NCR3LG1: variants seen among roughly 807,000 people sequenced by gnomAD.
The protein encoded by NCR3LG1 is natural cytotoxicity triggering receptor 3 ligand 1.
In NCR3LG1, 35 loss-of-function variants were observed where a neutral mutation model predicts 34.8. The observed-to-expected ratio is 1.01, with a 90% CI of 0.77 to 1.33. The LOEUF is 1.33. NCR3LG1 is among the 40% of genes most tolerant of loss of function. NCR3LG1 has a pLI of 0.00. For synonymous variants in NCR3LG1, 173 were observed against 163.6 expected (o/e 1.06, Z -0.44); for missense variants, 452 against 423.3 (o/e 1.07, Z -0.60).
intron 1 of NCR3LG1, among the ~76,000 whole-genome samples, chr11:17,354,545 C>CTTCTT (rs1565500552): frequency 8.5e-5 from 6 of 70,332 alleles, no homozygotes; most frequent in South Asian, 5.5e-4. Flanking sequence ...AATTCTTCTT[C>CTTCTT]TTTTTTTTTT....
Position 17,373,387 on chromosome 11 carries a change from G to A in NCR3LG1, c.*875G>A, listed in dbSNP as rs1953434620. Reference sequence around the variant, plus strand: ...AAAGGGACTGCCCAGGCAGCAAGAAGAAGCCACCTCAACCCTGTCCAGTAT... The same window carrying A: ...AAAGGGACTGCCCAGGCAGCAAGAAAAAGCCACCTCAACCCTGTCCAGTAT... On this transcript the variant is annotated 3_prime_UTR_variant, in exon 5 of 5. Coordinates refer to ENST00000338965, the MANE Select transcript of NCR3LG1 (RefSeq NM_001202439.3). 1 of 151,890 alleles carries A rather than the reference G, an allele frequency of 6.6e-6. No individual in the cohort carries two copies. The highest frequency in any genetic ancestry group is 1.5e-5 in the Non-Finnish European group (1 of 68,042). The allele number at this position is 151,890 out of a possible 1,614,324, so 9.4% of individuals were successfully genotyped here. A position where few individuals can be genotyped will look rare whatever the true frequency, so the allele number is the denominator to read the frequency against.
intron 1 of NCR3LG1, among the ~76,000 whole-genome samples, chr11:17,354,956 A>G (rs1256382693): frequency 6.6e-6 from 1 of 152,204 alleles, no homozygotes; most frequent in African/African-American, 2.4e-5. Flanking sequence ...CTAAATATAG[A>G]TGTCTAGCTC....
At chr11:17,362,883 CTCCCCTCCCCTCCCCTCCCT>C in intron 2 of NCR3LG1, among the ~76,000 whole-genome samples, 3 of 68,090 alleles carry the variant, frequency 4.4e-5, no homozygotes, top group East Asian at 4.4e-4. Flanking sequence ...CTCCCCTCCG[CTCCCCTCCCCTCCCCTCCCT>C]TCCCTTCCCT....
At chr11:17,368,722 G>A in intron 3 of NCR3LG1, 145 bp from the exon 4 acceptor site, 1 of 666,270 alleles carries the variant, frequency 1.5e-6, no homozygotes, top group East Asian at 2.7e-5. Flanking sequence ...TAGGAATGGA[G>A]ATGCTGAGAC....
At chr11:17,371,021 T>A (rs1025989735) in intron 4 of NCR3LG1, among the ~76,000 whole-genome samples, 2 of 152,222 alleles carry the variant, frequency 1.3e-5, no homozygotes, top group African/African-American at 4.8e-5. Flanking sequence ...TGTCCCCCAG[T>A]GATAGACATT....
intron 2 of NCR3LG1, among the ~76,000 whole-genome samples, chr11:17,359,636 C>T (rs1377454639): frequency 6.6e-6 from 1 of 151,682 alleles, no homozygotes; most frequent in Non-Finnish European, 1.5e-5. Flanking sequence ...CTTAGCCTCC[C>T]AGGTAACTAG....
intron 2 of NCR3LG1, among the ~76,000 whole-genome samples, chr11:17,362,072 T>C (rs1953275294): frequency 6.6e-6 from 1 of 152,278 alleles, no homozygotes; most frequent in African/African-American, 2.4e-5. Context: ...TTTCTGATTT[T>C]ACTTTCTAAC....
intron 1 of NCR3LG1, among the ~76,000 whole-genome samples, chr11:17,355,765 A>G (rs1953197094): frequency 6.6e-6 from 1 of 152,034 alleles, no homozygotes; most frequent in African/African-American, 2.4e-5. Flanking sequence ...GGAGAGAGAC[A>G]TATCTCTCTG....
At chr11:17,368,276 G>A (rs1398339496) in intron 3 of NCR3LG1, among the ~76,000 whole-genome samples, 1 of 152,148 alleles carries the variant, frequency 6.6e-6, no homozygotes, top group Non-Finnish European at 1.5e-5. Flanking sequence ...GAGCTCATAT[G>A]CCTTGGTCAT....
chr11:17,379,800 T>C (rs1327136564), downstream of NCR3LG1, among the ~76,000 whole-genome samples: 1 of 152,244 alleles, frequency 6.6e-6, no homozygotes, highest in African/African-American at 2.4e-5. Context: ...TTATACTGGC[T>C]TTGTTACACA....
intron 1 of NCR3LG1, among the ~76,000 whole-genome samples, chr11:17,354,372 G>T (rs976017413): frequency 6.6e-6 from 1 of 152,210 alleles, no homozygotes; most frequent in Non-Finnish European, 1.5e-5. Context: ...CTGGGTGAGC[G>T]CTTGGGCGCT....
chr11:17,367,188 A>C lies in NCR3LG1; in HGVS notation c.601A>C (p.Lys201Gln). The change falls in exon 3 of 5, where the codon AAG becomes CAG. Residue 201 changes from lysine to glutamine, a missense_variant. Transcript: ENST00000338965. Reference protein sequence around the residue: ...SEDVITGPTIKNMDGTFNVTS... With the variant: ...SEDVITGPTIQNMDGTFNVTS... ...GGATGTCATCACTGGTCCCACCATC[A>C]AGAATATGGATGGCACATTTAATGT... 6.5e-7 allele frequency: 1 copy of C among 1,536,606 alleles called. No individual in the cohort carries two copies.
chr11:17,367,118 G>A lies in NCR3LG1; in HGVS notation c.531G>A (p.Trp177Ter), dbSNP rs986132319. ...ACCCAGAGGCTATTAATATAACATG[G>A]GAGAAGCAGACCCAGAAGTTTCCCC... ...GFYPEAINIT[W>*]EKQTQKFPHP... is the part of the protein sequence containing the mutation. Residue 177 changes from tryptophan (W) to a stop codon, truncating the protein, a stop_gained, in exon 3 of 5, where the codon TGG becomes TGA. Transcript: ENST00000338965. LOFTEE classifies it high-confidence loss of function. 2 of 1,536,360 alleles carry A rather than the reference G, an allele frequency of 1.3e-6. No individual in the cohort carries two copies. Among genetic ancestry groups the A allele is most frequent in the African/African-American group, 2.7e-5 (2 of 73,148 alleles).
At chr11:17,354,023 T>G (rs1284867670) in intron 1 of NCR3LG1, among the ~76,000 whole-genome samples, 1 of 152,254 alleles carries the variant, frequency 6.6e-6, no homozygotes, top group Non-Finnish European at 1.5e-5. Context: ...CAGATTTTAA[T>G]GCAAGAGATT....
At chr11:17,362,691 CCTTTCTTTCTTT>C (rs757163762) in intron 2 of NCR3LG1, among the ~76,000 whole-genome samples, 4,527 of 32,554 alleles carry the variant, frequency 0.14, 218 homozygotes, top group Middle Eastern at 0.19. Flanking sequence ...TTCCTTCCTT[CCTTTCTTTCTTT>C]CTTTCTTTCT....
At chr11:17,359,554 C>T (rs1354685459) in intron 2 of NCR3LG1, among the ~76,000 whole-genome samples, 1 of 150,746 alleles carries the variant, frequency 6.6e-6, no homozygotes, top group South Asian at 2.1e-4. Flanking sequence ...CTCTGTTGCC[C>T]AGGCCGGAGT....
intron 4 of NCR3LG1, 143 bp from the exon 5 acceptor site, chr11:17,371,863 G>C: frequency 1.7e-6 from 1 of 601,306 alleles, no homozygotes; most frequent in Non-Finnish European, 2.9e-6. Flanking sequence ...TCCATGGGCA[G>C]CACCTATAAT....
At chr11:17,381,495 C>T (rs12278644), downstream of NCR3LG1, 1 of 151,878 alleles carries the variant, frequency 6.6e-6, no homozygotes, top group East Asian at 1.9e-4. Context: ...AAACCAAGGA[C>T]ACAGTCAGCA....
Position 17,373,365 on chromosome 11 carries a change from G to C in NCR3LG1, c.*853G>C, listed in dbSNP as rs534589260. On this transcript the variant is annotated 3_prime_UTR_variant, in exon 5 of 5. Transcript: ENST00000338965. Reference sequence around the variant, plus strand: ...TGTGGCAAACTAGGGCACTTCAAAAGGGACTGCCCAGGCAGCAAGAAGAAG... The same window carrying C: ...TGTGGCAAACTAGGGCACTTCAAAACGGACTGCCCAGGCAGCAAGAAGAAG... 1 of 152,140 alleles carries C rather than the reference G, an allele frequency of 6.6e-6. No individual in the cohort carries two copies. The highest frequency in any genetic ancestry group is 2.1e-4 in the South Asian group (1 of 4,812). The allele number at this position is 152,140 out of a possible 1,614,324, so 9.4% of individuals were successfully genotyped here. A position where few individuals can be genotyped will look rare whatever the true frequency, so the allele number is the denominator to read the frequency against.
Sources: gnomAD v4.1 joint callset for allele counts (sites outside exome capture counted in the v4.1 genomes callset) on GRCh38, gnomAD v4.1.1 for gene constraint, MANE v1.5 for transcripts, NCBI Gene and HGNC (gene_info 2026-07-23, HGNC 2026-07-21) for gene names.